PRKG2: variants seen among roughly 807,000 people sequenced by gnomAD.
The protein encoded by PRKG2 is cGMP-dependent protein kinase 2.
In PRKG2, 33 loss-of-function variants were observed where a neutral mutation model predicts 97.2. The observed-to-expected ratio is 0.34, with a 90% CI of 0.26 to 0.45. The LOEUF is 0.45. Ranked by LOEUF, PRKG2 falls within the 20% of genes least tolerant of loss-of-function variation. The pLI is 1.00. For synonymous variants in PRKG2, 330 were observed against 321.8 expected (o/e 1.03, Z -0.27); for missense variants, 638 against 900.0 (o/e 0.71, Z 3.73).
At chr4:81,182,015 C>T (rs1402665928) in intron 2 of PRKG2, among the ~76,000 whole-genome samples, 1 of 151,616 alleles carries the variant, frequency 6.6e-6, no homozygotes, top group Non-Finnish European at 1.5e-5. Flanking sequence ...CCCAGATGAC[C>T]TTATTATTAA....
At chr4:81,115,996 C>A (rs974226685) in intron 14 of PRKG2, among the ~76,000 whole-genome samples, 2 of 152,144 alleles carry the variant, frequency 1.3e-5, no homozygotes, top group African/African-American at 4.8e-5. Context: ...ATTAATCTTA[C>A]ATCCACAACT....
At chr4:81,179,445 A>G (rs1751216616) in intron 2 of PRKG2, among the ~76,000 whole-genome samples, 1 of 152,232 alleles carries the variant, frequency 6.6e-6, no homozygotes, top group Non-Finnish European at 1.5e-5. Context: ...ATCACCTTCA[A>G]AAATGAAGGC....
Position 81,132,602 on chromosome 4 carries a change from C to T in PRKG2, c.1776+2553G>A, listed in dbSNP as rs182294774. Among the ~76,000 whole-genome samples the T allele has an allele frequency of 7.9e-5, 12 of 152,210 alleles. No individual in the cohort carries two copies. The South Asian group carries it at 2.3e-3, about 29-fold the overall frequency. ...GTTTTAATGTGGATCTCACCCAGCA[C>T]GGTTTTCTTTTTACAGAGCTTGAAT... On this transcript the variant is annotated intron_variant, in intron 14 of 18. Coordinates refer to ENST00000264399, the MANE Select transcript of PRKG2 (RefSeq NM_006259.3).
chr4:81,159,901 T>C (rs141526839), intron 6 of PRKG2, among the ~76,000 whole-genome samples: 14,638 of 141,364 alleles, frequency 0.1, 975 homozygotes, highest in Middle Eastern at 0.23. Context: ...TAGATGGGAA[T>C]TGAACAATGA....
At chr4:81,135,076 A>C (rs1330422236) in intron 14 of PRKG2, 79 bp downstream of exon 14, 1 of 1,389,096 alleles carries the variant, frequency 7.2e-7, no homozygotes, top group Non-Finnish European at 9.7e-7. Context: ...TAAAATTAAA[A>C]AGAAAATTGC....
At chr4:81,184,114 C>A (rs751515987) in intron 2 of PRKG2, among the ~76,000 whole-genome samples, 1 of 152,166 alleles carries the variant, frequency 6.6e-6, no homozygotes, top group Non-Finnish European at 1.5e-5. Context: ...AAGAGAGCAG[C>A]GTATCTCCCA....
rs761634409 is a variant in PRKG2, at chr4:81,153,756, G to C, written c.913-35C>G. ...TGAGAGAGAAAGAAAATGTAAGAGC[G>C]GGTGGAGCCAAGATGGCCTAATAGG... is the stretch of plus-strand genomic sequence containing the variant. On this transcript the variant is annotated intron_variant, in intron 6 of 18. Transcript: ENST00000264399. 3.7e-5 allele frequency: 56 copies of C among 1,515,094 alleles called. 2 individuals carry two copies. The Middle Eastern group carries it at 8.6e-4, about 23-fold the overall frequency. 93.9% of individuals were successfully genotyped at this position (1,515,094 alleles called of 1,614,324 possible). A position where few individuals can be genotyped will look rare whatever the true frequency, so the allele number is the denominator to read the frequency against.
At chr4:81,116,172 C>A (rs1329603874) in intron 14 of PRKG2, among the ~76,000 whole-genome samples, 4 of 151,986 alleles carry the variant, frequency 2.6e-5, no homozygotes, top group African/African-American at 9.7e-5. Flanking sequence ...TTTTTTGATC[C>A]TCTCCCTCCT....
intron 6 of PRKG2, among the ~76,000 whole-genome samples, chr4:81,160,834 T>C (rs6828114): frequency 0.19 from 28,535 of 152,066 alleles, 4,733 homozygotes; most frequent in East Asian, 0.46. Flanking sequence ...TCTATCCACC[T>C]GTCAGACCAA....
rs1241864349 is a variant in PRKG2 at position 81,174,944 on chromosome 4, A to G, written c.477T>C (p.Ile159=). ...VRKDSSEKKL[I]TDALNKNQFL... ...ACTGATTTTTATTAAGGGCATCTGT[A>G]ATGAGCTTCTTCTCACTGGTATAAT... Residue 159 remains isoleucine (I), a synonymous_variant, in exon 3 of 19, where the codon ATT becomes ATC. Transcript: ENST00000264399. The G allele has an allele frequency of 6.2e-7, 1 of 1,609,152 alleles. No homozygotes were observed. Among genetic ancestry groups the G allele is most frequent in the Non-Finnish European group, 8.5e-7 (1 of 1,177,210 alleles).
chr4:81,099,854 C>A (rs1048990561), intron 17 of PRKG2, among the ~76,000 whole-genome samples: 1 of 152,160 alleles, frequency 6.6e-6, no homozygotes, highest in African/African-American at 2.4e-5. Context: ...TCATAGGCAA[C>A]TTCAGCAAAG....
intron 2 of PRKG2, among the ~76,000 whole-genome samples, chr4:81,179,715 G>A (rs1751242346): frequency 6.6e-6 from 1 of 152,042 alleles, no homozygotes; most frequent in South Asian, 2.1e-4. Context: ...AACAATAAAT[G>A]GAGTTAACAC....
intron 6 of PRKG2, among the ~76,000 whole-genome samples, chr4:81,164,390 G>A (rs1173250226): frequency 6.6e-6 from 1 of 151,824 alleles, no homozygotes; most frequent in Admixed American, 6.6e-5. Flanking sequence ...ATAAACTGTA[G>A]CGAAATCTAC....
Position 81,148,970 on chromosome 4 carries a change from A to C in PRKG2, c.1086-18T>G, listed in dbSNP as rs1184611781. The C allele has an allele frequency of 6.2e-7, 1 of 1,609,958 alleles. No homozygotes were observed. The highest frequency in any genetic ancestry group is 1.1e-5 in the South Asian group (1 of 90,950). On this transcript the variant is annotated intron_variant, in intron 8 of 18. Transcript: ENST00000264399. ...CATCATCACTGCAAACAAAAATAGG[A>C]AAGTCAATTTTCACTATAATTAGAA...
chr4:81,125,848 T>C (rs945325231), intron 14 of PRKG2, among the ~76,000 whole-genome samples: 1 of 152,182 alleles, frequency 6.6e-6, no homozygotes, highest in African/African-American at 2.4e-5. Flanking sequence ...CGTGACTTAC[T>C]GACGATTTCT....
chr4:81,138,165 G>A (rs1746899911), intron 12 of PRKG2, among the ~76,000 whole-genome samples: 1 of 152,170 alleles, frequency 6.6e-6, no homozygotes, highest in Admixed American at 6.5e-5. Flanking sequence ...AAAAACCAAT[G>A]CCCAGAGAGG....
At chr4:81,171,199 T>A (rs998705744) in intron 4 of PRKG2, among the ~76,000 whole-genome samples, 1 of 151,542 alleles carries the variant, frequency 6.6e-6, no homozygotes, top group Non-Finnish European at 1.5e-5. Flanking sequence ...GTGTGTGTTG[T>A]TCCCCTCCCT....
intron 8 of PRKG2, among the ~76,000 whole-genome samples, chr4:81,150,488 A>G (rs1560581536): frequency 6.6e-6 from 1 of 152,154 alleles, no homozygotes; most frequent in Non-Finnish European, 1.5e-5. Flanking sequence ...ACAAAAATAT[A>G]AAAATATTTG....
intron 2 of PRKG2, among the ~76,000 whole-genome samples, chr4:81,188,453 A>T (rs1271408269): frequency 1.2e-4 from 17 of 144,156 alleles, no homozygotes; most frequent in Admixed American, 1.1e-3. Context: ...ACCCCTGTGG[A>T]AGTCAGTGTG....
Sources: gnomAD v4.1 joint callset for allele counts (sites outside exome capture counted in the v4.1 genomes callset) on GRCh38, gnomAD v4.1.1 for gene constraint, MANE v1.5 for transcripts, NCBI Gene and HGNC (gene_info 2026-07-23, HGNC 2026-07-21) for gene names.